The following EDEM1 variants were observed in gnomAD, a reference collection of about 807,000 sequenced individuals.
EDEM1 encodes ER degradation-enhancing alpha-mannosidase-like protein 1.
In EDEM1, 67 loss-of-function variants were observed where a neutral mutation model predicts 74.4. The observed-to-expected ratio is 0.90, with a 90% CI of 0.74 to 1.10. EDEM1 has a LOEUF of 1.10. Ranked by LOEUF, EDEM1 falls within the 50% of genes least tolerant of loss-of-function variation. The probability of loss-of-function intolerance (pLI) is 0.00; values close to 1 mark genes in which losing one functional copy is unlikely to be tolerated. For missense variants in EDEM1, 926 were observed against 851.6 expected, an observed-to-expected ratio of 1.09 and a Z score of -1.09; for synonymous variants, 382 against 335.9, an observed-to-expected ratio of 1.14 and a Z score of -1.50.
Position 5,213,398 on chromosome 3 carries a change from A to G in EDEM1, c.1760A>G (p.Asp587Gly), listed in dbSNP as rs1427482645. Residue 587 changes from aspartate (D) to glycine (G), a missense_variant, in exon 11 of 12, where the codon GAT becomes GGT. By Grantham distance (94) the Asp-to-Gly change is moderately conservative. Coordinates refer to ENST00000256497, the MANE Select transcript of EDEM1 (RefSeq NM_014674.3). ...ACAGAGGGACACATTGTATCTGTGG[A>G]TGAGCATCTTCGGGAATTGCCATGG... ...FTTEGHIVSV[D>G]EHLRELPWKE... The G allele has an allele frequency of 6.2e-7, 1 of 1,614,048 alleles. No homozygotes were observed. Among genetic ancestry groups the G allele is most frequent in the Non-Finnish European group, 8.5e-7 (1 of 1,180,038 alleles).
intron 10 of EDEM1, among the ~76,000 whole-genome samples, chr3:5,212,580 T>C (rs1482683843): frequency 6.6e-6 from 1 of 152,236 alleles, no homozygotes; most frequent in Non-Finnish European, 1.5e-5. Context: ...GTGTAAACAT[T>C]GACAAGCTGC....
intron 1 of EDEM1, among the ~76,000 whole-genome samples, chr3:5,190,001 G>T (rs528146448): frequency 8.4e-5 from 2 of 23,832 alleles, no homozygotes; most frequent in South Asian, 1.0e-3. Flanking sequence ...TTTTTTTTTG[G>T]GGGGGGGGAT....
intron 11 of EDEM1, 37 bp from the exon 12 acceptor site, chr3:5,215,792 A>T: frequency 6.4e-7 from 1 of 1,563,752 alleles, no homozygotes; most frequent in Non-Finnish European, 8.8e-7. Context: ...AGAGCAACAT[A>T]TGAGTTTTTA....
intron 9 of EDEM1, 22 bp downstream of exon 9, chr3:5,210,270 CT>C: frequency 6.3e-7 from 1 of 1,599,868 alleles, no homozygotes; most frequent in Non-Finnish European, 8.6e-7. Flanking sequence ...AAGTTCCTAC[CT>C]TTTTCTGTCA....
intron 1 of EDEM1, among the ~76,000 whole-genome samples, chr3:5,189,832 C>T (rs1007621066): frequency 7.9e-5 from 12 of 152,226 alleles, no homozygotes; most frequent in Admixed American, 2.0e-4. Context: ...ATCTCCTGAC[C>T]TCGTGATCCA....
intron 11 of EDEM1, among the ~76,000 whole-genome samples, chr3:5,213,845 G>A (rs1160951930): frequency 2.6e-5 from 4 of 152,160 alleles, no homozygotes; most frequent in African/African-American, 7.2e-5. Context: ...TGCCTGGAGG[G>A]AGCCGGCAGA....
chr3:5,190,700 G>A (rs925677501), intron 1 of EDEM1, among the ~76,000 whole-genome samples: 1 of 152,126 alleles, frequency 6.6e-6, no homozygotes, highest in South Asian at 2.1e-4. Flanking sequence ...ATTAGGGAAG[G>A]GTTGTGCCCT....
chr3:5,190,729 G>T (rs1347013632), intron 1 of EDEM1, among the ~76,000 whole-genome samples: 1 of 152,146 alleles, frequency 6.6e-6, no homozygotes, highest in African/African-American at 2.4e-5. Context: ...TAGGCCCGTT[G>T]GTTGGTAAAC....
chr3:5,194,083 C>T (rs1193696174), intron 1 of EDEM1, among the ~76,000 whole-genome samples: 1 of 152,198 alleles, frequency 6.6e-6, no homozygotes, highest in African/African-American at 2.4e-5. Flanking sequence ...ACGAGAGGTG[C>T]TGTGCACCAG....
At chr3:5,188,572 T>TA (rs2054858938) in intron 1 of EDEM1, 1 of 383,520 alleles carries the variant, frequency 2.6e-6, no homozygotes, top group Non-Finnish European at 4.6e-6. Context: ...CTCAGTGTCT[T>TA]ACGCGTGAGG....
chr3:5,207,321 C>T (rs762609500), intron 7 of EDEM1, 48 bp downstream of exon 7: 14 of 1,603,392 alleles, frequency 8.7e-6, no homozygotes, highest in East Asian at 2.2e-5. Context: ...CCAGAAAGGG[C>T]TTCTCCCTCC....
At chr3:5,206,339 C>G (rs1380285768) in intron 6 of EDEM1, among the ~76,000 whole-genome samples, 1 of 152,006 alleles carries the variant, frequency 6.6e-6, no homozygotes, top group African/African-American at 2.4e-5. Context: ...TCCTGAGTAG[C>G]TGGGATCACA....
rs1027401618 is a variant in EDEM1, at chr3:5,213,184, C to T, written c.1681-135C>T. 3 of 862,436 alleles carry T rather than the reference C, an allele frequency of 3.5e-6. No homozygotes were observed. In the African/African-American group the frequency reaches 5.1e-5, roughly 15 times the overall value. 53.4% of individuals were successfully genotyped at this position (862,436 alleles called of 1,614,324 possible). A position where few individuals can be genotyped will look rare whatever the true frequency, so the allele number is the denominator to read the frequency against. On this transcript the variant is annotated intron_variant, in intron 10 of 11. Coordinates refer to ENST00000256497, the MANE Select transcript of EDEM1 (RefSeq NM_014674.3). Reference sequence around the variant, plus strand: ...GGGCACCACAGTTGTCAGTCAATTCCTTTTCACCCAGTTGTCACTGAGAAG... The same window carrying T: ...GGGCACCACAGTTGTCAGTCAATTCTTTTTCACCCAGTTGTCACTGAGAAG...
At position 5,219,506 on chromosome 3, in the gene EDEM1, A is replaced by G. The variant is rs1185167652; in HGVS notation, c.*3588A>G. 6.6e-6 allele frequency: 1 copy of G among 152,174 alleles called. No individual in the cohort carries two copies. Among genetic ancestry groups the G allele is most frequent in the African/African-American group, 2.4e-5 (1 of 41,444 alleles). The allele number at this position is 152,174 out of a possible 1,614,324, so 9.4% of individuals were successfully genotyped here. A position where few individuals can be genotyped will look rare whatever the true frequency, so the allele number is the denominator to read the frequency against. ...CCCAGGTTTCACAGGGCTCAGGGTT[A>G]TGCTCCCGCTTGAATCTGGACGTGA... On this transcript the variant is annotated 3_prime_UTR_variant, in exon 12 of 12. Coordinates refer to ENST00000256497, the MANE Select transcript of EDEM1 (RefSeq NM_014674.3).
chr3:5,215,298 G>GA (rs1559301797), intron 11 of EDEM1, among the ~76,000 whole-genome samples: 1 of 147,636 alleles, frequency 6.8e-6, no homozygotes, highest in African/African-American at 2.6e-5. Flanking sequence ...TGGTGGGGGT[G>GA]GGGGGGTTTT....
At chr3:5,201,381 C>T (rs1013125620) in intron 3 of EDEM1, among the ~76,000 whole-genome samples, 3 of 152,218 alleles carry the variant, frequency 2.0e-5, no homozygotes, top group East Asian at 3.9e-4. Context: ...TCTTGAACTC[C>T]TGGCCTCAAG....
At chr3:5,193,271 T>G (rs1466405305) in intron 1 of EDEM1, among the ~76,000 whole-genome samples, 2 of 152,162 alleles carry the variant, frequency 1.3e-5, no homozygotes, top group Non-Finnish European at 2.9e-5. Flanking sequence ...GTGAAATATT[T>G]ACACAGAGCA....
chr3:5,208,863 G>T (rs1288541667), intron 8 of EDEM1, among the ~76,000 whole-genome samples: 1 of 151,918 alleles, frequency 6.6e-6, no homozygotes, highest in Admixed American at 6.6e-5. Context: ...ACTGTGAAAT[G>T]TCTTCTTCCT....
At chr3:5,204,382 T>G (rs1304597971) in intron 5 of EDEM1, among the ~76,000 whole-genome samples, 1 of 151,958 alleles carries the variant, frequency 6.6e-6, no homozygotes, top group Admixed American at 6.6e-5. Flanking sequence ...TCTTTTTTTT[T>G]TTGTCTTTTG....
Sources: gnomAD v4.1 joint callset for allele counts (sites outside exome capture counted in the v4.1 genomes callset) on GRCh38, gnomAD v4.1.1 for gene constraint, MANE v1.5 for transcripts, NCBI Gene and HGNC (gene_info 2026-07-23, HGNC 2026-07-21) for gene names.